Variants in TRABD2B observed in about 807,000 individuals in gnomAD.
The protein encoded by TRABD2B is metalloprotease TIKI2.
Under a neutral mutation model 40.1 loss-of-function variants are expected in TRABD2B, and 14 were observed. That is an observed-to-expected ratio of 0.35 (90% CI 0.23 to 0.55). The LOEUF (loss-of-function observed/expected upper bound fraction) is 0.55, where lower values mean the gene tolerates loss of function less well. Among genes scored for constraint, TRABD2B ranks in the 20% least tolerant of loss-of-function variants. The pLI is 0.90. For synonymous variants in TRABD2B, 263 were observed against 277.0 expected (o/e 0.95, Z 0.50); for missense variants, 541 against 648.6 (o/e 0.83, Z 1.80).
At chr1:47,836,285 C>T (rs1355080131) in intron 2 of TRABD2B, among the ~76,000 whole-genome samples, 1 of 152,158 alleles carries the variant, frequency 6.6e-6, no homozygotes, top group Non-Finnish European at 1.5e-5. Flanking sequence ...CCAAGGTTTA[C>T]CTATATCCCT....
chr1:47,973,798 A>G (rs1645715809), intron 2 of TRABD2B, among the ~76,000 whole-genome samples: 1 of 152,154 alleles, frequency 6.6e-6, no homozygotes, highest in Non-Finnish European at 1.5e-5. Context: ...AGGCAAAGCA[A>G]TGTTACATTT....
chr1:47,770,084 G>A (rs778510458), intron 6 of TRABD2B, among the ~76,000 whole-genome samples: 2 of 152,306 alleles, frequency 1.3e-5, no homozygotes, highest in East Asian at 3.9e-4. Flanking sequence ...CCCAGTCTAG[G>A]ATCTGGGCAT....
chr1:47,832,457 T>TG (rs1221437315), intron 2 of TRABD2B, among the ~76,000 whole-genome samples: 2 of 152,092 alleles, frequency 1.3e-5, no homozygotes, highest in African/African-American at 4.8e-5. Context: ...AATCCTGTTT[T>TG]GGGGGGGATG....
intron 2 of TRABD2B, among the ~76,000 whole-genome samples, chr1:47,840,430 C>T (rs1645381000): frequency 6.6e-6 from 1 of 152,142 alleles, no homozygotes; most frequent in South Asian, 2.1e-4. Context: ...AGGCAAATCC[C>T]CTGAGTCTTC....
intron 2 of TRABD2B, among the ~76,000 whole-genome samples, chr1:47,831,222 C>T (rs896279132): frequency 1.3e-5 from 2 of 151,974 alleles, no homozygotes; most frequent in Non-Finnish European, 2.9e-5. Flanking sequence ...TTTTACAGCA[C>T]GTAAGAAAGC....
At chr1:47,830,838 G>A (rs1645238397) in intron 2 of TRABD2B, among the ~76,000 whole-genome samples, 1 of 152,208 alleles carries the variant, frequency 6.6e-6, no homozygotes, top group Non-Finnish European at 1.5e-5. Flanking sequence ...TAGTTTGTGG[G>A]TTATGAAGCA....
intron 2 of TRABD2B, among the ~76,000 whole-genome samples, chr1:47,843,851 A>C (rs1645431723): frequency 6.6e-6 from 1 of 152,182 alleles, no homozygotes; most frequent in Non-Finnish European, 1.5e-5. Context: ...AAAGAAGAGG[A>C]AACCAAACAT....
chr1:47,931,691 C>A (rs1557664216), intron 2 of TRABD2B, among the ~76,000 whole-genome samples: 1 of 152,164 alleles, frequency 6.6e-6, no homozygotes, highest in Non-Finnish European at 1.5e-5. Context: ...TAGAACTCAT[C>A]ACACCAGCCC....
intron 2 of TRABD2B, chr1:47,818,818 T>C (rs1425658758): frequency 6.6e-6 from 1 of 152,230 alleles, no homozygotes; most frequent in Non-Finnish European, 1.5e-5. Context: ...CAGTTTGGTA[T>C]TGAAGTGCTG....
intron 2 of TRABD2B, among the ~76,000 whole-genome samples, chr1:47,820,780 CACCA>C (rs1473204301): frequency 4.9e-5 from 4 of 82,096 alleles, no homozygotes; most frequent in African/African-American, 1.5e-4. Flanking sequence ...AGTTCACACA[CACCA>C]CACACACACA....
intron 2 of TRABD2B, among the ~76,000 whole-genome samples, chr1:47,823,028 T>A (rs1417448298): frequency 6.6e-6 from 1 of 152,194 alleles, no homozygotes; most frequent in Non-Finnish European, 1.5e-5. Flanking sequence ...TGAAGAGTGG[T>A]GATGGGGACA....
Position 47,864,711 on chromosome 1 carries a change from C to A in TRABD2B, c.667-63092G>T, listed in dbSNP as rs542220616. Among the ~76,000 whole-genome samples, 82 of 152,188 alleles carry A rather than the reference C, an allele frequency of 5.4e-4. 1 individual carries two copies. The Middle Eastern group carries it at 0.01, about 19-fold the overall frequency. On this transcript the variant is annotated intron_variant, in intron 2 of 6. Transcript: ENST00000606738. ...AGCCTCTTCCAAATCCACATGGCTG[C>A]CTGATGACATGCTGAGGGGCCTAGG...
At chr1:47,986,753 ACGGC>A (rs1438897860) in intron 2 of TRABD2B, among the ~76,000 whole-genome samples, 1 of 152,190 alleles carries the variant, frequency 6.6e-6, no homozygotes, top group Non-Finnish European at 1.5e-5. Context: ...AGCAGAAGCA[ACGGC>A]GTTTCCAAGC....
chr1:47,912,471 GT>G (rs949258104), intron 2 of TRABD2B, among the ~76,000 whole-genome samples: 4 of 152,190 alleles, frequency 2.6e-5, no homozygotes, highest in Non-Finnish European at 5.9e-5. Context: ...CCGTCTTTTG[GT>G]TTTGGTTTGT....
At chr1:47,849,214 A>G (rs1645513602) in intron 2 of TRABD2B, among the ~76,000 whole-genome samples, 1 of 152,222 alleles carries the variant, frequency 6.6e-6, no homozygotes, top group Admixed American at 6.5e-5. Flanking sequence ...TTAAGTTTAA[A>G]TGAGGCCATT....
rs56776440 is a variant in TRABD2B at position 47,967,336 on chromosome 1, AACACACAC to A, written c.666+26690_666+26697del. Reference sequence around the variant, plus strand: ...ATGAGTGTATGTGAATAAGCAAGAAAACACACACACACACACACACACACACACACACA... The same window carrying A: ...ATGAGTGTATGTGAATAAGCAAGAAAACACACACACACACACACACACACA... On this transcript the variant is annotated intron_variant, in intron 2 of 6. Transcript: ENST00000606738. Among the ~76,000 whole-genome samples the A allele has an allele frequency of 1.3e-3, 185 of 147,362 alleles. No homozygotes were observed. The East Asian group carries it at 0.016, about 13-fold the overall frequency.
chr1:47,836,989 C>T (rs1306884973), intron 2 of TRABD2B, among the ~76,000 whole-genome samples: 2 of 152,200 alleles, frequency 1.3e-5, no homozygotes, highest in African/African-American at 2.4e-5. Context: ...ACTAGGAAAC[C>T]CTCTTAATCT....
chr1:47,841,537 G>A (rs1032397739), intron 2 of TRABD2B, among the ~76,000 whole-genome samples: 1 of 152,152 alleles, frequency 6.6e-6, no homozygotes, highest in Admixed American at 6.5e-5. Context: ...TCTCTGGGAG[G>A]TGCAGGAAGA....
At chr1:47,798,942 T>A (rs1644783809) in intron 3 of TRABD2B, among the ~76,000 whole-genome samples, 1 of 152,196 alleles carries the variant, frequency 6.6e-6, no homozygotes. Flanking sequence ...TAGCCCCTCC[T>A]CAAGCGACTA....
Sources: gnomAD v4.1 joint callset for allele counts (sites outside exome capture counted in the v4.1 genomes callset) on GRCh38, gnomAD v4.1.1 for gene constraint, MANE v1.5 for transcripts, NCBI Gene and HGNC (gene_info 2026-07-23, HGNC 2026-07-21) for gene names.